The following CALN1 variants were observed in gnomAD, a reference collection of about 807,000 sequenced individuals.
CALN1 encodes the protein calcium-binding protein 8.
A neutral mutation model predicts 30.6 loss-of-function variants in CALN1; 17 were observed. That is an observed-to-expected ratio of 0.56 (90% CI 0.38 to 0.83). CALN1 has a LOEUF of 0.83. Among genes scored for constraint, CALN1 ranks in the 40% least tolerant of loss-of-function variants. The pLI, the probability that CALN1 is intolerant of heterozygous loss-of-function variation, is 0.00. For missense variants in CALN1, 291 were observed against 354.9 expected, an observed-to-expected ratio of 0.82 and a Z score of 1.45; for synonymous variants, 156 against 131.4, an observed-to-expected ratio of 1.19 and a Z score of -1.28.
chr7:72,494,843 G>A, the CALN1 span, among the ~76,000 whole-genome samples: 17 of 151,978 alleles, frequency 1.1e-4, no homozygotes, highest in African/African-American at 4.1e-4. Flanking sequence ...CTCCAGCCTG[G>A]GGGACAGAGA....
At chr7:71,941,568 T>C (rs1344812991) in intron 5 of CALN1, among the ~76,000 whole-genome samples, 1 of 152,172 alleles carries the variant, frequency 6.6e-6, no homozygotes, top group Non-Finnish European at 1.5e-5. Context: ...GAGGTTCAAT[T>C]TCATTCATGC....
rs569023842 is a variant in CALN1 at position 72,260,328 on chromosome 7, T to A, written c.244+18358A>T. On this transcript the variant is annotated intron_variant, in intron 3 of 6. Transcript: ENST00000395275. ...GTTGAACTCCTTTGACAAACTCCGT[T>A]TGTTGAACTCCATATGACAAAACTT... Among the ~76,000 whole-genome samples the A allele has an allele frequency of 7.2e-5, 11 of 152,324 alleles. No individual in the cohort carries two copies. In the East Asian group the frequency reaches 2.1e-3, roughly 29 times the overall value.
chr7:72,424,291 T>G (rs1225202420), intron 1 of CALN1, among the ~76,000 whole-genome samples: 2 of 152,174 alleles, frequency 1.3e-5, no homozygotes, highest in Non-Finnish European at 2.9e-5. Context: ...CAGCAAGTTA[T>G]GAGGACTTCC....
chr7:71,912,640 G>A (rs1327249224), intron 5 of CALN1, among the ~76,000 whole-genome samples: 2 of 152,140 alleles, frequency 1.3e-5, no homozygotes, highest in African/African-American at 4.8e-5. Context: ...AGTTCCCGCT[G>A]AACTTGGCAG....
chr7:72,475,398 G>T, the CALN1 span, among the ~76,000 whole-genome samples: 1 of 152,164 alleles, frequency 6.6e-6, no homozygotes, highest in Admixed American at 6.5e-5. Flanking sequence ...GACGGAGGTT[G>T]CAGTGAGCCG....
At chr7:72,485,817 G>A in the CALN1 span, among the ~76,000 whole-genome samples, 27,715 of 152,126 alleles carry the variant, frequency 0.18, 2,621 homozygotes, top group Non-Finnish European at 0.2. Flanking sequence ...GTTGCAGTGA[G>A]GTGAGATCGC....
At chr7:72,397,714 T>TCTCACACACACACACACACACA (rs142607076) in intron 2 of CALN1, among the ~76,000 whole-genome samples, 20 of 142,912 alleles carry the variant, frequency 1.4e-4, no homozygotes, top group African/African-American at 3.1e-4. Flanking sequence ...CCATTCTCTC[T>TCTCACACACACACACACACACA]CACACACACA....
chr7:71,971,695 T>C (rs1797809222), intron 5 of CALN1, among the ~76,000 whole-genome samples: 1 of 150,964 alleles, frequency 6.6e-6, no homozygotes. Context: ...CCTGGGACTT[T>C]GAGAACAGCC....
chr7:72,290,808 A>G (rs377748262), intron 2 of CALN1, among the ~76,000 whole-genome samples: 1 of 152,116 alleles, frequency 6.6e-6, no homozygotes, highest in Non-Finnish European at 1.5e-5. Context: ...TTTCATTTAC[A>G]TGACTGTATT....
At chr7:71,922,233 A>C (rs891754181) in intron 5 of CALN1, among the ~76,000 whole-genome samples, 1 of 152,106 alleles carries the variant, frequency 6.6e-6, no homozygotes, top group African/African-American at 2.4e-5. Context: ...TTGGCACGCT[A>C]TGAAGGATTT....
the CALN1 span, among the ~76,000 whole-genome samples, chr7:72,458,133 T>TATATATATATTTAATATATTC: frequency 3.1e-4 from 23 of 73,618 alleles, 2 homozygotes; most frequent in Non-Finnish European, 5.9e-4. Context: ...GTTTTATAAA[T>TATATATATATTTAATATATTC]ATATATATAT....
At position 72,187,003 on chromosome 7, in the gene CALN1, G is replaced by C. The variant is rs375186679; in HGVS notation, c.245-80709C>G. 1.3e-4 allele frequency among the ~76,000 whole-genome samples: 19 copies of C among 151,438 alleles called. No individual in the cohort carries two copies. The East Asian group carries it at 2.1e-3, about 17-fold the overall frequency. On this transcript the variant is annotated intron_variant, in intron 3 of 6. Transcript: ENST00000395275. ...GAGTCCCCAGAAAGGGACAGGGCAA[G>C]TAGGGGAGTTCAGAAGATGATGAAA...
intron 2 of CALN1, among the ~76,000 whole-genome samples, chr7:72,343,175 A>T (rs575930883): frequency 6.6e-6 from 1 of 152,334 alleles, no homozygotes; most frequent in East Asian, 1.9e-4. Context: ...CTTGGAGGAA[A>T]CATGAAGGGG....
At chr7:71,905,941 A>T (rs1263040394) in intron 5 of CALN1, among the ~76,000 whole-genome samples, 1 of 152,210 alleles carries the variant, frequency 6.6e-6, no homozygotes, top group Non-Finnish European at 1.5e-5. Context: ...CACCTTCTTC[A>T]CATGGTGGCA....
In CALN1 at chr7:72,076,010, C is replaced by T. The variant is rs58237490; in HGVS notation, c.388+30141G>A. Among the ~76,000 whole-genome samples, 1,264 of 152,098 alleles carry T rather than the reference C, an allele frequency of 8.3e-3. 14 individuals carry two copies. The highest frequency in any genetic ancestry group is 0.026 in the African/African-American group (1,095 of 41,490). ...AGGATAAAGCCCAGGACAGATGAGGCCAATTCATTTATTCCATAAATACTT... is the reference window on the plus strand; with the variant it reads ...AGGATAAAGCCCAGGACAGATGAGGTCAATTCATTTATTCCATAAATACTT... On this transcript the variant is annotated intron_variant, in intron 4 of 6. Transcript: ENST00000395275.
intron 1 of CALN1, among the ~76,000 whole-genome samples, chr7:72,404,363 A>G (rs1044398980): frequency 6.6e-6 from 1 of 152,224 alleles, no homozygotes; most frequent in Non-Finnish European, 1.5e-5. Flanking sequence ...TATGTATTGA[A>G]CACACAGTTA....
At chr7:72,258,340 T>C (rs894238079) in intron 3 of CALN1, among the ~76,000 whole-genome samples, 7 of 152,122 alleles carry the variant, frequency 4.6e-5, no homozygotes, top group Non-Finnish European at 1.0e-4. Context: ...ATATTTCTGA[T>C]ACCCTGAAAA....
intron 4 of CALN1, among the ~76,000 whole-genome samples, chr7:72,091,108 C>A (rs1346326200): frequency 2.0e-5 from 3 of 152,106 alleles, no homozygotes; most frequent in African/African-American, 7.2e-5. Flanking sequence ...GTGGGCGGAT[C>A]ACCTGAGGTT....
At chr7:72,197,080 C>T (rs528494865) in intron 3 of CALN1, among the ~76,000 whole-genome samples, 2 of 151,782 alleles carry the variant, frequency 1.3e-5, no homozygotes, top group Non-Finnish European at 2.9e-5. Context: ...TGAGTTTGGC[C>T]AGAAGTCATT....
Sources: gnomAD v4.1 joint callset for allele counts (sites outside exome capture counted in the v4.1 genomes callset) on GRCh38, gnomAD v4.1.1 for gene constraint, MANE v1.5 for transcripts, NCBI Gene and HGNC (gene_info 2026-07-23, HGNC 2026-07-21) for gene names.